DIP2A: variants seen among roughly 807,000 people sequenced by gnomAD.
The protein encoded by DIP2A is DIP2 acetate--CoA ligase A, also known as disco-interacting protein 2 homolog A.
Under a neutral mutation model 177.4 loss-of-function variants are expected in DIP2A, and 85 were observed. The observed-to-expected ratio is 0.48, with a 90% CI of 0.40 to 0.57. DIP2A has a LOEUF of 0.57. DIP2A is among the 20% of genes least tolerant of loss of function. DIP2A has a pLI of 0.00. For missense variants in DIP2A, 1,791 were observed against 2,100.2 expected (o/e 0.85, Z 2.88); for synonymous variants, 886 against 881.8 (o/e 1.00, Z -0.08).
In DIP2A at chr21:46,547,033, A is replaced by G. The variant is rs780162470; in HGVS notation, c.2513A>G (p.Tyr838Cys). 6.2e-7 allele frequency: 1 copy of G among 1,613,796 alleles called. No homozygotes were observed. The highest frequency in any genetic ancestry group is 8.5e-7 in the Non-Finnish European group (1 of 1,179,834). ...GCCGTGGAGCCCATGAAGTTTGTCT[A>G]CAGAGGCAGGTGATGCGCTGCGGAC... ...ALAVEPMKFVYRGRIAVFSVT... is the reference protein window; with the variant it reads ...ALAVEPMKFVCRGRIAVFSVT... Residue 838 changes from tyrosine to cysteine, a missense_variant, in exon 21 of 38, where the codon TAC (tyrosine) becomes TGC (cysteine). Coordinates refer to ENST00000417564, the MANE Select transcript of DIP2A (RefSeq NM_015151.4).
chr21:46,561,189 G>A (rs945553954), intron 33 of DIP2A: 2 of 335,764 alleles, frequency 6.0e-6, no homozygotes, highest in South Asian at 4.7e-5. Context: ...TTTCTTACCC[G>A]ATGACCCATG....
chr21:46,534,168 C>T lies in DIP2A; in HGVS notation c.1539+55C>T, dbSNP rs1238551309. 6 of 1,413,908 alleles carry T rather than the reference C, an allele frequency of 4.2e-6. No homozygotes were observed. The South Asian group carries it at 4.8e-5, about 11-fold the overall frequency. The allele number at this position is 1,413,908 out of a possible 1,614,324, so 87.6% of individuals were successfully genotyped here. A position where few individuals can be genotyped will look rare whatever the true frequency, so the allele number is the denominator to read the frequency against. ...AAAAACATGTCCCACAGGCTTAAGT[C>T]TTGCTTTTCATAAGAATGTAAGTTG... On this transcript the variant is annotated intron_variant, in intron 12 of 37. Transcript: ENST00000417564.
chr21:46,468,581 G>GT (rs1173005852), intron 1 of DIP2A, among the ~76,000 whole-genome samples: 1 of 152,130 alleles, frequency 6.6e-6, no homozygotes, highest in Admixed American at 6.6e-5. Context: ...AGGGTATATA[G>GT]TTTCAGTTAT....
intron 33 of DIP2A, chr21:46,561,010 C>T: frequency 2.0e-6 from 2 of 985,380 alleles, no homozygotes; most frequent in South Asian, 4.7e-5. Context: ...GGCGTGCCTC[C>T]CAGGGGAGCT....
chr21:46,534,240 C>T (rs2059468242), intron 12 of DIP2A, 127 bp downstream of exon 12: 4 of 735,956 alleles, frequency 5.4e-6, no homozygotes, highest in Non-Finnish European at 6.8e-6. Context: ...TGTTTTATCT[C>T]TGCCCTGGAA....
chr21:46,554,507 A>G (rs1034927300), intron 26 of DIP2A, 68 bp from the exon 27 acceptor site: 8 of 1,587,564 alleles, frequency 5.0e-6, no homozygotes, highest in South Asian at 3.4e-5. Context: ...TCTCGCAGGA[A>G]CAGTGAACAG....
At chr21:46,545,840 G>A (rs766998015) in intron 19 of DIP2A, 41 bp from the exon 20 acceptor site, 29 of 1,599,566 alleles carry the variant, frequency 1.8e-5, no homozygotes, top group Non-Finnish European at 3.4e-6. Flanking sequence ...CAGTTGGTTG[G>A]TTGTCCACAG....
chr21:46,550,666 A>T lies in DIP2A; in HGVS notation c.2761A>T (p.Thr921Ser). Reference sequence around the variant, plus strand: ...AACCAAACAGCGCTTTCTGGAAGGGACGCTGCACCCGTGTAATGTGCTGAT... The same window carrying T: ...AACCAAACAGCGCTTTCTGGAAGGGTCGCTGCACCCGTGTAATGTGCTGAT... ...SETKQRFLEG[T>S]LHPCNVLMCP... The change falls in exon 23 of 38, where the codon ACG (threonine) becomes TCG (serine). Residue 921 changes from threonine to serine, a missense_variant. Physicochemically the swap from Thr to Ser is moderately conservative, Grantham distance 58. Coordinates refer to ENST00000417564, the MANE Select transcript of DIP2A (RefSeq NM_015151.4). The T allele has an allele frequency of 6.2e-7, 1 of 1,613,936 alleles. No homozygotes were observed. Among genetic ancestry groups the T allele is most frequent in the South Asian group, 1.1e-5 (1 of 91,070 alleles).
chr21:46,545,562 A>G (rs1466082522), intron 19 of DIP2A, among the ~76,000 whole-genome samples: 1 of 152,148 alleles, frequency 6.6e-6, no homozygotes, highest in East Asian at 1.9e-4. Context: ...GGCCAATAGG[A>G]AGGCACTCAC....
chr21:46,551,622 C>T lies in DIP2A; in HGVS notation c.2840-12C>T. On this transcript the variant is annotated splice_polypyrimidine_tract_variant and intron_variant, in intron 23 of 37. Transcript: ENST00000417564. ...GTCACCAGCTTTTCATTCAGAGTTC[C>T]CCCGTTTCTAGAGGTTGGACCAGCC... is the stretch of plus-strand genomic sequence containing the variant. 2 of 1,611,240 alleles carry T rather than the reference C, an allele frequency of 1.2e-6. No homozygotes were observed. The highest frequency in any genetic ancestry group is 1.7e-6 in the Non-Finnish European group (2 of 1,177,844).
rs193216059 is a variant in DIP2A at position 46,546,029 on chromosome 21, C to T, written c.2394+68C>T. The T allele has an allele frequency of 8.8e-4, 1,413 of 1,608,570 alleles. 13 individuals carry two copies. The highest frequency in any genetic ancestry group is 3.2e-4 in the Non-Finnish European group (375 of 1,176,058). On this transcript the variant is annotated intron_variant, in intron 20 of 37. Coordinates refer to ENST00000417564, the MANE Select transcript of DIP2A (RefSeq NM_015151.4). ...TAGGGGGTGTGGCTAAGGGACACCTCGTTGCAGCCCCACCCTTGTCCTGGC... is the reference window on the plus strand; with the variant it reads ...TAGGGGGTGTGGCTAAGGGACACCTTGTTGCAGCCCCACCCTTGTCCTGGC...
intron 35 of DIP2A, among the ~76,000 whole-genome samples, chr21:46,564,886 A>G (rs11911024): frequency 0.13 from 19,889 of 152,200 alleles, 1,839 homozygotes; most frequent in African/African-American, 0.26. Flanking sequence ...CTTCCTGCAC[A>G]GCCAAACCCA....
chr21:46,537,551 C>A lies in DIP2A; in HGVS notation c.1801+12C>A. On this transcript the variant is annotated intron_variant, in intron 15 of 37. Transcript: ENST00000417564. The surrounding 1 kb of genome is among the most constrained non-coding windows in gnomAD (Gnocchi z 4.1). ...GTGCTTCTATAAAGGTAACGGATAC[C>A]ATGGTCAGGGCCTTCACCCTTCTTT... 6.2e-7 allele frequency: 1 copy of A among 1,613,110 alleles called. No individual in the cohort carries two copies. Among genetic ancestry groups the A allele is most frequent in the South Asian group, 1.1e-5 (1 of 91,064 alleles).
chr21:46,468,501 T>C (rs1601335614), intron 1 of DIP2A, among the ~76,000 whole-genome samples: 1 of 151,722 alleles, frequency 6.6e-6, no homozygotes, highest in South Asian at 2.1e-4. Flanking sequence ...GTCAGACTCA[T>C]AGAAGCAGAG....
chr21:46,516,745 G>A (rs1017613302), intron 8 of DIP2A, among the ~76,000 whole-genome samples: 40 of 151,428 alleles, frequency 2.6e-4, no homozygotes, highest in African/African-American at 8.5e-4. Flanking sequence ...CACCTGCCTC[G>A]GCCTCCCAAA....
intron 4 of DIP2A, among the ~76,000 whole-genome samples, chr21:46,497,593 T>G (rs1381439034): frequency 6.6e-6 from 1 of 152,260 alleles, no homozygotes; most frequent in Non-Finnish European, 1.5e-5. Context: ...ATGAAAACTT[T>G]TATATGAGGT....
At chr21:46,582,264 C>G in the DIP2A span, among the ~76,000 whole-genome samples, 1 of 152,162 alleles carries the variant, frequency 6.6e-6, no homozygotes, top group Non-Finnish European at 1.5e-5. Context: ...GAAATTCCTC[C>G]TGGTTCAAAC....
chr21:46,537,067 AG>A lies in DIP2A; in HGVS notation c.1643-155del, dbSNP rs1255692878. ...TTTCCAGTAATTTGAATAGATAACCAGGATTATTATTAATTGGTATGTGGTA... is the reference window on the plus strand; with the variant it reads ...TTTCCAGTAATTTGAATAGATAACCAGATTATTATTAATTGGTATGTGGTA... On this transcript the variant is annotated intron_variant, in intron 13 of 37. Transcript: ENST00000417564. This position sits in a 1 kb window ranked among gnomAD's most constrained non-coding sequence, Gnocchi z 4.1. Among the ~76,000 whole-genome samples the A allele has an allele frequency of 6.6e-6, 1 of 152,166 alleles. No homozygotes were observed. The highest frequency in any genetic ancestry group is 1.5e-5 in the Non-Finnish European group (1 of 68,032).
the DIP2A span, among the ~76,000 whole-genome samples, chr21:46,581,424 C>A: frequency 6.6e-6 from 1 of 152,126 alleles, no homozygotes; most frequent in East Asian, 1.9e-4. Flanking sequence ...TCGTTATTAC[C>A]CACATTCTGA....
Sources: allele counts gnomAD v4.1 joint callset (sites outside exome capture counted in the v4.1 genomes callset), GRCh38; gene constraint gnomAD v4.1.1; non-coding constraint Gnocchi (gnomAD v3.1); transcripts MANE v1.5; gene names NCBI Gene and HGNC (gene_info 2026-07-23, HGNC 2026-07-21).